Variants in SRGAP3 observed in about 807,000 individuals in gnomAD.
The protein encoded by SRGAP3 is SLIT-ROBO Rho GTPase-activating protein 3.
SRGAP3 carries 39 observed loss-of-function variants against 121.1 expected under a neutral mutation model. The observed-to-expected ratio is 0.32, with a 90% CI of 0.25 to 0.42. The LOEUF is 0.42. SRGAP3 is among the 10% of genes least tolerant of loss of function. SRGAP3 has a pLI of 1.00. For synonymous variants in SRGAP3, 601 were observed against 570.0 expected, an observed-to-expected ratio of 1.05 and a Z score of -0.77; for missense variants, 1,213 against 1,470.6, an observed-to-expected ratio of 0.82 and a Z score of 2.86.
chr3:9,353,829 T>G (rs528652099), intron 1 of SRGAP3, among the ~76,000 whole-genome samples: 1 of 152,220 alleles, frequency 6.6e-6, no homozygotes, highest in Non-Finnish European at 1.5e-5. Flanking sequence ...AGTAGTGTAC[T>G]GAATGAAAAG....
intron 1 of SRGAP3, among the ~76,000 whole-genome samples, chr3:9,331,101 T>G (rs1403842036): frequency 6.6e-6 from 1 of 152,226 alleles, no homozygotes; most frequent in African/African-American, 2.4e-5. Context: ...GAAATTAGCT[T>G]TTTTTCTCTT....
At chr3:9,084,161 T>C (rs1177932754) in intron 3 of SRGAP3, among the ~76,000 whole-genome samples, 2 of 152,196 alleles carry the variant, frequency 1.3e-5, no homozygotes, top group Non-Finnish European at 2.9e-5. Context: ...CAATTATTTG[T>C]TGTGAGTAGC....
At chr3:9,313,702 T>A (rs1437446681) in intron 3 of SRGAP3, among the ~76,000 whole-genome samples, 6 of 144,276 alleles carry the variant, frequency 4.2e-5, no homozygotes, top group Non-Finnish European at 9.0e-5. Flanking sequence ...AAAAAGAAAA[T>A]AGCTCATAAT....
At chr3:9,125,582 T>C (rs913878774) in intron 1 of SRGAP3, among the ~76,000 whole-genome samples, 2 of 152,332 alleles carry the variant, frequency 1.3e-5, no homozygotes. Flanking sequence ...CTCTCAGATA[T>C]CACACTTCAG....
At chr3:9,216,357 G>A (rs1424977069) in intron 1 of SRGAP3, among the ~76,000 whole-genome samples, 5 of 152,154 alleles carry the variant, frequency 3.3e-5, no homozygotes, top group African/African-American at 1.2e-4. Flanking sequence ...AACGGGCAGG[G>A]GTCAAGGTAC....
intron 1 of SRGAP3, among the ~76,000 whole-genome samples, chr3:9,144,304 C>T (rs140850470): frequency 1.2e-4 from 19 of 152,338 alleles, no homozygotes; most frequent in African/African-American, 4.6e-4. Context: ...GTCCCATTTG[C>T]TCTTTGTGCC....
intron 21 of SRGAP3, among the ~76,000 whole-genome samples, chr3:8,987,217 G>T (rs780920096): frequency 6.6e-6 from 1 of 152,206 alleles, no homozygotes. Flanking sequence ...AGCCCCATGG[G>T]TTCCCATGAC....
chr3:9,277,737 C>T (rs757225605), intron 3 of SRGAP3, among the ~76,000 whole-genome samples: 63 of 151,780 alleles, frequency 4.2e-4, no homozygotes, highest in Non-Finnish European at 6.2e-4. Context: ...GTTGAGATGG[C>T]GCCACTACAC....
At chr3:9,261,107 G>A (rs1053038748) in intron 3 of SRGAP3, among the ~76,000 whole-genome samples, 3 of 152,146 alleles carry the variant, frequency 2.0e-5, no homozygotes, top group East Asian at 1.9e-4. Context: ...TGCAGAAGAG[G>A]GGCCTGTTAG....
intron 2 of SRGAP3, among the ~76,000 whole-genome samples, chr3:9,329,094 C>T (rs1313342927): frequency 1.3e-5 from 2 of 152,164 alleles, no homozygotes; most frequent in African/African-American, 2.4e-5. Flanking sequence ...CCTAACCCCA[C>T]GTTTTATCCT....
At chr3:9,251,688 T>C (rs1455669220), upstream of SRGAP3, among the ~76,000 whole-genome samples, 2 of 152,146 alleles carry the variant, frequency 1.3e-5, no homozygotes, top group African/African-American at 2.4e-5. Context: ...AGGAGACCTA[T>C]GTGTAGGGTG....
intron 12 of SRGAP3, among the ~76,000 whole-genome samples, chr3:9,029,964 G>T (rs538872356): frequency 6.9e-6 from 1 of 145,096 alleles, no homozygotes; most frequent in South Asian, 2.3e-4. Flanking sequence ...AACATGGTAA[G>T]ATCCTGTCTC....
At chr3:9,018,532 T>C (rs979081118) in intron 14 of SRGAP3, among the ~76,000 whole-genome samples, 5 of 152,334 alleles carry the variant, frequency 3.3e-5, no homozygotes, top group Non-Finnish European at 7.3e-5. Flanking sequence ...TGTCTGCCTT[T>C]TTAATAATAG....
At chr3:9,126,295 T>C (rs565243641) in intron 1 of SRGAP3, among the ~76,000 whole-genome samples, 2 of 152,278 alleles carry the variant, frequency 1.3e-5, no homozygotes, top group South Asian at 4.1e-4. Flanking sequence ...TGTCCCAAAA[T>C]GTCGAGACAT....
chr3:9,034,660 C>T (rs1353829098), intron 11 of SRGAP3: 2 of 152,212 alleles, frequency 1.3e-5, no homozygotes, highest in Non-Finnish European at 2.9e-5. Context: ...AAGATTCTTT[C>T]AAGCCCATCT....
intron 1 of SRGAP3, among the ~76,000 whole-genome samples, chr3:9,153,240 C>G (rs1343794764): frequency 6.6e-6 from 1 of 152,184 alleles, no homozygotes. Context: ...GCACTTACTA[C>G]AGTGCTTTGC....
chr3:9,220,766 T>C (rs1270457078), intron 1 of SRGAP3, among the ~76,000 whole-genome samples: 2 of 152,204 alleles, frequency 1.3e-5, no homozygotes, highest in Admixed American at 6.5e-5. Flanking sequence ...TAAAGCCACA[T>C]TGATCACTGG....
At chr3:9,359,644 A>C (rs1330126514) in intron 1 of SRGAP3, among the ~76,000 whole-genome samples, 1 of 152,196 alleles carries the variant, frequency 6.6e-6, no homozygotes, top group Non-Finnish European at 1.5e-5. Context: ...TTACGACCAC[A>C]ATCAGATTAG....
intron 20 of SRGAP3, among the ~76,000 whole-genome samples, chr3:8,992,408 G>C (rs1179341720): frequency 6.6e-6 from 1 of 152,198 alleles, no homozygotes; most frequent in Non-Finnish European, 1.5e-5. Flanking sequence ...CCACACATAG[G>C]GAGCGAAGAA....
Sources: gnomAD v4.1 joint callset for allele counts (sites outside exome capture counted in the v4.1 genomes callset) on GRCh38, gnomAD v4.1.1 for gene constraint, MANE v1.5 for transcripts, NCBI Gene and HGNC (gene_info 2026-07-23, HGNC 2026-07-21) for gene names.